FGF14: variants seen among roughly 807,000 people sequenced by gnomAD.
FGF14 encodes the protein fibroblast growth factor homologous factor 4.
In FGF14, 5 loss-of-function variants were observed where a neutral mutation model predicts 25.5. That is an observed-to-expected ratio of 0.20 (90% confidence interval 0.10 to 0.41). FGF14 has a LOEUF of 0.41. Among genes scored for constraint, FGF14 ranks in the 10% least tolerant of loss-of-function variants. The pLI is 1.00. For synonymous variants in FGF14, 138 were observed against 118.3 expected (o/e 1.17, Z -1.08); for missense variants, 222 against 320.1 (o/e 0.69, Z 2.34).
intron 1 of FGF14, among the ~76,000 whole-genome samples, chr13:101,946,363 CAAAAAAAA>C (rs59866034): frequency 4.4e-5 from 4 of 91,950 alleles, no homozygotes; most frequent in African/African-American, 1.4e-4. Flanking sequence ...GCTTCTCCAT[CAAAAAAAA>C]AAAAAAAAAA....
At chr13:102,291,556 A>G (rs555712076) in intron 1 of FGF14, among the ~76,000 whole-genome samples, 106 of 152,352 alleles carry the variant, frequency 7.0e-4, no homozygotes, top group Middle Eastern at 3.4e-3. Context: ...ATTAAAATAG[A>G]TAGATCAATA....
intron 3 of FGF14, among the ~76,000 whole-genome samples, chr13:101,828,148 T>G (rs2042487503): frequency 6.6e-6 from 1 of 152,068 alleles, no homozygotes; most frequent in African/African-American, 2.4e-5. Flanking sequence ...TTGTTCTGAC[T>G]CTTTTAAAAA....
chr13:101,821,097 C>T (rs1303970829), intron 3 of FGF14, among the ~76,000 whole-genome samples: 10 of 149,186 alleles, frequency 6.7e-5, no homozygotes, highest in Admixed American at 5.4e-4. Context: ...TACAGGCGCC[C>T]GCTACCACGC....
chr13:102,334,999 T>C (rs1275735842), intron 1 of FGF14, among the ~76,000 whole-genome samples: 1 of 152,144 alleles, frequency 6.6e-6, no homozygotes, highest in African/African-American at 2.4e-5. Context: ...AGAGTCATTG[T>C]CACATCTTCT....
At chr13:102,244,338 G>A (rs2051750696) in intron 1 of FGF14, among the ~76,000 whole-genome samples, 1 of 151,848 alleles carries the variant, frequency 6.6e-6, no homozygotes, top group African/African-American at 2.4e-5. Context: ...CACAGAAATA[G>A]GGATGCCATG....
At chr13:102,356,965 T>G (rs2057434990) in intron 1 of FGF14, among the ~76,000 whole-genome samples, 1 of 147,184 alleles carries the variant, frequency 6.8e-6, no homozygotes, top group South Asian at 2.1e-4. Flanking sequence ...AAACAGATAT[T>G]CATATCTGTA....
rs1043642460 is a variant in FGF14, at chr13:102,346,755, T to C, written c.208+54716A>G. Among the ~76,000 whole-genome samples the C allele has an allele frequency of 2.0e-5, 3 of 152,302 alleles. 1 individual carries two copies. On this transcript the variant is annotated intron_variant, in intron 1 of 4. Transcript: ENST00000376131. The stretch of plus-strand genomic sequence containing the variant: ...TAATTGCTGATTTTAAATTATTATT[T>C]TTCATCTGAATTTTCTAGTTTTTAT...
chr13:102,236,393 A>T (rs960686556), intron 1 of FGF14, among the ~76,000 whole-genome samples: 1 of 152,122 alleles, frequency 6.6e-6, no homozygotes, highest in South Asian at 2.1e-4. Flanking sequence ...CCTTCAACAG[A>T]CTCAGGAAGA....
chr13:102,355,757 T>C (rs2139006910), intron 1 of FGF14, among the ~76,000 whole-genome samples: 1 of 152,156 alleles, frequency 6.6e-6, no homozygotes, highest in East Asian at 1.9e-4. Flanking sequence ...GAAAACCTTG[T>C]GCAGAATATT....
intron 1 of FGF14, among the ~76,000 whole-genome samples, chr13:102,271,148 T>C (rs2053225717): frequency 6.6e-6 from 1 of 152,192 alleles, no homozygotes; most frequent in South Asian, 2.1e-4. Context: ...TTGTGGTAAA[T>C]ACTTATCAGA....
intron 1 of FGF14, among the ~76,000 whole-genome samples, chr13:102,036,749 C>A (rs1281935271): frequency 6.6e-6 from 1 of 152,032 alleles, no homozygotes; most frequent in African/African-American, 2.4e-5. Context: ...ACACATCACA[C>A]CTTGGGTCAA....
At chr13:102,066,249 C>G (rs1179959408) in intron 1 of FGF14, among the ~76,000 whole-genome samples, 1 of 152,094 alleles carries the variant, frequency 6.6e-6, no homozygotes, top group African/African-American at 2.4e-5. Context: ...TAAAATGAAT[C>G]TTAATTCAAT....
chr13:101,789,546 A>G (rs755057771), intron 3 of FGF14, among the ~76,000 whole-genome samples: 18 of 152,142 alleles, frequency 1.2e-4, no homozygotes, highest in South Asian at 2.1e-4. Flanking sequence ...CATAAAGTTG[A>G]TTCATGTAAG....
chr13:102,000,815 T>C (rs953622385), intron 1 of FGF14, among the ~76,000 whole-genome samples: 2 of 152,336 alleles, frequency 1.3e-5, no homozygotes, highest in Admixed American at 6.5e-5. Context: ...TTTTGTACTC[T>C]TACAATTTGG....
chr13:102,167,845 AG>A (rs2048085691), intron 1 of FGF14, among the ~76,000 whole-genome samples: 1 of 151,466 alleles, frequency 6.6e-6, no homozygotes, highest in Non-Finnish European at 1.5e-5. Flanking sequence ...AACATATTTA[AG>A]GGGGAGTCAA....
At chr13:102,085,767 C>T (rs1447668972) in intron 1 of FGF14, among the ~76,000 whole-genome samples, 3 of 152,274 alleles carry the variant, frequency 2.0e-5, no homozygotes, top group Admixed American at 1.3e-4. Flanking sequence ...TCTTCTTTGG[C>T]TGTTGGAAAG....
intron 1 of FGF14, among the ~76,000 whole-genome samples, chr13:102,255,843 A>G (rs1038603632): frequency 2.0e-5 from 3 of 152,200 alleles, no homozygotes; most frequent in Non-Finnish European, 4.4e-5. Context: ...AAGGGCTAAT[A>G]TTGTGAGTGA....
At chr13:102,349,955 T>C (rs894311956) in intron 1 of FGF14, among the ~76,000 whole-genome samples, 2 of 152,222 alleles carry the variant, frequency 1.3e-5, no homozygotes, top group African/African-American at 4.8e-5. Context: ...ATTACACATG[T>C]GCGTGCACAC....
At chr13:102,330,987 TA>T (rs2056617702) in intron 1 of FGF14, among the ~76,000 whole-genome samples, 1 of 152,202 alleles carries the variant, frequency 6.6e-6, no homozygotes, top group Non-Finnish European at 1.5e-5. Context: ...AGTGCTTAAT[TA>T]ACACCAGAGC....
Sources: allele counts gnomAD v4.1 joint callset (sites outside exome capture counted in the v4.1 genomes callset), GRCh38; gene constraint gnomAD v4.1.1; transcripts MANE v1.5; gene names NCBI Gene and HGNC (gene_info 2026-07-23, HGNC 2026-07-21).